SEMA3C: variants seen among roughly 807,000 people sequenced by gnomAD.
SEMA3C encodes the protein semaphorin 3C.
SEMA3C carries 47 observed loss-of-function variants against 89.4 expected under a neutral mutation model. The ratio of observed to expected loss-of-function variants is 0.53; its 90% CI spans 0.42 to 0.67. The LOEUF is 0.67. SEMA3C is among the 30% of genes least tolerant of loss of function. The pLI is 0.00. For synonymous variants in SEMA3C, 310 were observed against 320.2 expected, an observed-to-expected ratio of 0.97 and a Z score of 0.34; for missense variants, 839 against 929.1, an observed-to-expected ratio of 0.90 and a Z score of 1.26.
chr7:80,860,246 T>C (rs1790739630), intron 2 of SEMA3C, among the ~76,000 whole-genome samples: 2 of 152,216 alleles, frequency 1.3e-5, no homozygotes, highest in South Asian at 4.1e-4. Context: ...CATGGTTTAA[T>C]GGTATAAATT....
At chr7:80,853,481 G>A (rs1474401189) in intron 2 of SEMA3C, among the ~76,000 whole-genome samples, 4 of 152,154 alleles carry the variant, frequency 2.6e-5, no homozygotes, top group African/African-American at 7.2e-5. Context: ...TGGTTGAAAC[G>A]GGAAGATATT....
At chr7:80,764,691 A>C (rs1242014253) in intron 13 of SEMA3C, among the ~76,000 whole-genome samples, 3 of 152,182 alleles carry the variant, frequency 2.0e-5, no homozygotes, top group Admixed American at 1.3e-4. Flanking sequence ...GTGACATTTG[A>C]ATTAAAGGCA....
At chr7:80,855,068 G>A (rs915451430) in intron 2 of SEMA3C, among the ~76,000 whole-genome samples, 1 of 152,026 alleles carries the variant, frequency 6.6e-6, no homozygotes, top group East Asian at 1.9e-4. Context: ...ATATTCATAA[G>A]CAATATTTCT....
chr7:80,804,666 A>T (rs1006349816), intron 7 of SEMA3C, among the ~76,000 whole-genome samples: 2 of 152,202 alleles, frequency 1.3e-5, no homozygotes, highest in African/African-American at 4.8e-5. Context: ...TTAAAATGCA[A>T]CATACGAAAT....
At chr7:80,898,223 A>C (rs1274175886) in intron 2 of SEMA3C, among the ~76,000 whole-genome samples, 1 of 152,066 alleles carries the variant, frequency 6.6e-6, no homozygotes, top group Non-Finnish European at 1.5e-5. Context: ...AAAATTAGCC[A>C]GGCATGGTGG....
chr7:80,871,038 G>C (rs574482878), intron 2 of SEMA3C, among the ~76,000 whole-genome samples: 2 of 152,300 alleles, frequency 1.3e-5, no homozygotes, highest in South Asian at 4.1e-4. Context: ...AAAGTCAACA[G>C]AGTTTCTGGC....
intron 15 of SEMA3C, among the ~76,000 whole-genome samples, chr7:80,754,377 C>T (rs1011381648): frequency 2.0e-5 from 3 of 151,910 alleles, no homozygotes; most frequent in African/African-American, 7.3e-5. Flanking sequence ...TAGTTTTTTG[C>T]TTTTTATTTC....
At chr7:80,784,460 A>AT (rs151042245) in intron 12 of SEMA3C, among the ~76,000 whole-genome samples, 23,210 of 151,202 alleles carry the variant, frequency 0.15, 2,050 homozygotes, top group Non-Finnish European at 0.2. Flanking sequence ...AAGTAGCAGC[A>AT]TTTTTTTTTA....
At chr7:80,863,870 A>T (rs914312908) in intron 2 of SEMA3C, among the ~76,000 whole-genome samples, 1 of 145,954 alleles carries the variant, frequency 6.9e-6, no homozygotes, top group African/African-American at 2.5e-5. Context: ...TGTATCACAT[A>T]TATATGTATC....
chr7:80,919,840 C>T (rs111411762), upstream of SEMA3C, among the ~76,000 whole-genome samples: 3,934 of 152,062 alleles, frequency 0.026, 73 homozygotes, highest in Middle Eastern at 0.1. Flanking sequence ...CCCAAAGTGC[C>T]GAGAGCCACC....
At chr7:80,889,789 A>G (rs1791570062) in intron 2 of SEMA3C, among the ~76,000 whole-genome samples, 1 of 152,190 alleles carries the variant, frequency 6.6e-6, no homozygotes, top group Non-Finnish European at 1.5e-5. Context: ...ATAATGCCTA[A>G]TGATATAAAT....
chr7:80,798,539 G>A (rs1379802978), intron 10 of SEMA3C, among the ~76,000 whole-genome samples: 1 of 152,108 alleles, frequency 6.6e-6, no homozygotes, highest in East Asian at 1.9e-4. Flanking sequence ...CAGCAAGAAA[G>A]TATACTGATG....
At chr7:80,911,037 G>A (rs1792135419) in intron 2 of SEMA3C, among the ~76,000 whole-genome samples, 1 of 151,980 alleles carries the variant, frequency 6.6e-6, no homozygotes, top group African/African-American at 2.4e-5. Context: ...AAATAAACAT[G>A]TTCCAGAGAG....
intron 2 of SEMA3C, among the ~76,000 whole-genome samples, chr7:80,830,967 C>CA (rs1789996216): frequency 6.6e-6 from 1 of 152,156 alleles, no homozygotes; most frequent in Non-Finnish European, 1.5e-5. Context: ...AAGTATCACT[C>CA]AAAGGTTGGA....
chr7:80,770,820 T>G (rs1387707275), intron 12 of SEMA3C, among the ~76,000 whole-genome samples: 2 of 152,336 alleles, frequency 1.3e-5, no homozygotes, highest in South Asian at 4.1e-4. Flanking sequence ...ATGAGGTAAG[T>G]GAGCCTCTTC....
Position 80,745,112 on chromosome 7 carries a change from C to T in SEMA3C, c.2038G>A (p.Ala680Thr). ...AAGGGTAAAGCCCTCACAGAGCTGG[C>T]CCAGGTCCATGGGGACCATTTGTCC... ...VTDKWSPWTW[A>T]SSVRALPFHP... The change falls in exon 18 of 18, where the codon GCC (alanine) becomes ACC (threonine). Residue 680 changes from alanine to threonine, a missense_variant. Ala to Thr is a moderately conservative substitution (Grantham distance 58). Transcript: ENST00000265361. 6.2e-7 allele frequency: 1 copy of T among 1,614,010 alleles called. No individual in the cohort carries two copies. Among genetic ancestry groups the T allele is most frequent in the Non-Finnish European group, 8.5e-7 (1 of 1,179,970 alleles).
Position 80,754,964 on chromosome 7 carries a change from T to TTGTTTTTTG in SEMA3C, c.1643+3366_1643+3367insCAAAAAACA, listed in dbSNP as rs1554359503. ...GGCGAATTGTTTTTTTTTGTTTTTT[T>TTGTTTTTTG]TTTTTTTGTATTTTTAGTAGAGATG... On this transcript the variant is annotated intron_variant, in intron 15 of 17. Transcript: ENST00000265361. Among the ~76,000 whole-genome samples, 70 of 129,180 alleles carry TTGTTTTTTG rather than the reference T, an allele frequency of 5.4e-4. 2 individuals carry two copies. The highest frequency in any genetic ancestry group is 1.0e-3 in the South Asian group (4 of 3,830). 84.7% of individuals were successfully genotyped at this position (129,180 alleles called of 152,430 possible). A position where few individuals can be genotyped will look rare whatever the true frequency, so the allele number is the denominator to read the frequency against.
intron 2 of SEMA3C, among the ~76,000 whole-genome samples, chr7:80,892,072 C>T (rs1791628438): frequency 6.6e-6 from 1 of 152,002 alleles, no homozygotes; most frequent in South Asian, 2.1e-4. Context: ...TCTTATATTA[C>T]TAATAGGCTA....
At chr7:80,860,566 C>G (rs779281236) in intron 2 of SEMA3C, among the ~76,000 whole-genome samples, 5 of 152,176 alleles carry the variant, frequency 3.3e-5, no homozygotes, top group Admixed American at 6.5e-5. Flanking sequence ...AGACATTATC[C>G]TGTTTCCATT....
Sources: gnomAD v4.1 joint callset for allele counts (sites outside exome capture counted in the v4.1 genomes callset) on GRCh38, gnomAD v4.1.1 for gene constraint, MANE v1.5 for transcripts, NCBI Gene and HGNC (gene_info 2026-07-23, HGNC 2026-07-21) for gene names.